Variants in CDK11B observed in about 807,000 individuals in gnomAD.
CDK11B encodes cyclin dependent kinase 11B, also known as cyclin-dependent kinase 11B.
Under a neutral mutation model 84.0 loss-of-function variants are expected in CDK11B, and 37 were observed. The ratio of observed to expected loss-of-function variants is 0.44; its 90% CI spans 0.34 to 0.58. The LOEUF is 0.58. Ranked by LOEUF, CDK11B falls within the 20% of genes least tolerant of loss-of-function variation. The pLI, the probability that CDK11B is intolerant of heterozygous loss-of-function variation, is 0.02. For synonymous variants in CDK11B, 269 were observed against 309.8 expected, an observed-to-expected ratio of 0.87 and a Z score of 1.38; for missense variants, 427 against 834.0, an observed-to-expected ratio of 0.51 and a Z score of 6.01.
chr1:1,655,572 G>A, intron 2 of CDK11B, 88 bp from the exon 3 acceptor site: 1 of 1,452,846 alleles, frequency 6.9e-7, no homozygotes, highest in Non-Finnish European at 9.2e-7. Context: ...ATCAAACCTG[G>A]GCAACATCCC....
chr1:1,650,076 C>T (rs1429845321), intron 4 of CDK11B, among the ~76,000 whole-genome samples: 57 of 151,076 alleles, frequency 3.8e-4, no homozygotes, highest in Non-Finnish European at 5.5e-4. Flanking sequence ...CGGGACCATC[C>T]TGGCTAACAC....
At position 1,637,846 on chromosome 1, in the gene CDK11B, C is replaced by CT; in HGVS notation, c.1379dup (p.Glu461GlyfsTer28). 6.2e-7 allele frequency: 1 copy of CT among 1,613,712 alleles called. No individual in the cohort carries two copies. The stretch of plus-strand genomic sequence containing the variant: ...ACGTGATCGGGAAGCCCTCCTTCTC[C>CT]TTCTCCATCTTCAGCCGCTTTAGAG... On this transcript the variant is annotated frameshift_variant, in exon 13 of 20. Coordinates refer to ENST00000341832, the MANE Select transcript of CDK11B (RefSeq NM_033486.3). LOFTEE classifies it high-confidence loss of function.
chr1:1,643,506 G>A (rs1345877430), intron 6 of CDK11B, among the ~76,000 whole-genome samples: 1 of 149,938 alleles, frequency 6.7e-6, no homozygotes, highest in African/African-American at 2.5e-5. Flanking sequence ...AACAGACACG[G>A]TTCCTGAAAA....
intron 4 of CDK11B, among the ~76,000 whole-genome samples, chr1:1,650,483 A>G (rs1400529800): frequency 0.022 from 3,185 of 146,648 alleles, 70 homozygotes; most frequent in East Asian, 0.042. Context: ...CTCCTGCCTC[A>G]GCCTCCCGAG....
chr1:1,656,614 C>T (rs1361667556), intron 2 of CDK11B, among the ~76,000 whole-genome samples: 3 of 152,044 alleles, frequency 2.0e-5, no homozygotes, highest in Non-Finnish European at 4.4e-5. Context: ...ACCGTGAGAC[C>T]CCATCTCTAC....
intron 13 of CDK11B, 102 bp from the exon 14 acceptor site, chr1:1,637,615 C>T: frequency 6.2e-7 from 1 of 1,608,574 alleles, no homozygotes; most frequent in Non-Finnish European, 8.5e-7. Flanking sequence ...CCGGTGCCAC[C>T]CGGGAGGCAA....
chr1:1,641,644 G>C lies in CDK11B; in HGVS notation c.1009+18C>G. ...TAGTGAAGTCACAACACCTCACATA[G>C]TCGTCGCGGTGCCTCACCGGCAGAC... On this transcript the variant is annotated intron_variant, in intron 9 of 19. Transcript: ENST00000341832. The C allele has an allele frequency of 7.3e-7, 1 of 1,379,062 alleles. No individual in the cohort carries two copies. The highest frequency in any genetic ancestry group is 9.6e-7 in the Non-Finnish European group (1 of 1,039,186). The allele number at this position is 1,379,062 out of a possible 1,614,324, so 85.4% of individuals were successfully genotyped here.
intron 4 of CDK11B, 60 bp downstream of exon 4, chr1:1,652,379 T>G: frequency 7.3e-7 from 1 of 1,365,446 alleles, no homozygotes; most frequent in South Asian, 1.7e-5. Flanking sequence ...GGCAGAAGAG[T>G]AGGAACAGGA....
At chr1:1,648,540 C>G (rs1176853012) in intron 5 of CDK11B, among the ~76,000 whole-genome samples, 2 of 149,110 alleles carry the variant, frequency 1.3e-5, no homozygotes, top group Non-Finnish European at 2.9e-5. Flanking sequence ...TCAGACTCCT[C>G]TCTTCCTGGA....
At chr1:1,654,046 C>T (rs1429254436) in intron 3 of CDK11B, 1 of 426,400 alleles carries the variant, frequency 2.3e-6, no homozygotes, top group African/African-American at 2.1e-5. Flanking sequence ...TCTTCATAAT[C>T]TCAAAGCGTC....
rs1160234996 is a variant in CDK11B, at chr1:1,637,076, C to T, written c.1692+5G>A. On this transcript the variant is annotated splice_donor_5th_base_variant and intron_variant, in intron 15 of 19. Transcript: ENST00000341832. ...CTGGGATGGGCCACTCGGAGGGGGGCTCACCTTGAGGATGCCGGCGTGGCT... is the reference window on the plus strand; with the variant it reads ...CTGGGATGGGCCACTCGGAGGGGGGTTCACCTTGAGGATGCCGGCGTGGCT... The T allele has an allele frequency of 1.2e-6, 2 of 1,613,442 alleles. No individual in the cohort carries two copies. Among genetic ancestry groups the T allele is most frequent in the East Asian group, 4.5e-5 (2 of 44,890 alleles).
intron 1 of CDK11B, among the ~76,000 whole-genome samples, chr1:1,657,925 A>G (rs1338362131): frequency 7.1e-6 from 1 of 140,548 alleles, no homozygotes; most frequent in Non-Finnish European, 1.5e-5. Flanking sequence ...AAAAAAAAAA[A>G]AGTAAGCTCT....
In CDK11B at chr1:1,649,602, GCT is replaced by G; in HGVS notation, c.389_390del (p.Glu130AlafsTer13). ...KHARVKEKER[E>X]HERRKRHREE... ...TCTCGATGCCGTTTCCGACGTTCGT[GCT>G]CTCTTTCTTTTTCTTTCACTCTAGC... On this transcript the variant is annotated frameshift_variant, in exon 5 of 20. Transcript: ENST00000341832. LOFTEE classifies it high-confidence loss of function. The G allele has an allele frequency of 1.9e-6, 3 of 1,608,528 alleles. No homozygotes were observed. The highest frequency in any genetic ancestry group is 1.7e-4 in the Middle Eastern group (1 of 6,054).
intron 3 of CDK11B, among the ~76,000 whole-genome samples, chr1:1,654,739 A>C (rs543242479): frequency 6.6e-6 from 1 of 151,136 alleles, no homozygotes; most frequent in South Asian, 2.1e-4. Flanking sequence ...TCTCACTGCA[A>C]GCTCCACCTC....
Position 1,637,140 on chromosome 1 carries a change from T to C in CDK11B, c.1633A>G (p.Ile545Val). The change falls in exon 15 of 20, where the codon ATC becomes GTC. Residue 545 changes from isoleucine to valine, a missense_variant. Physicochemically the swap from Ile to Val is conservative, Grantham distance 29. This residue lies in a region of CDK11B where 13 missense variants were observed against 42.2 expected (regional missense o/e 0.31). Coordinates refer to ENST00000341832, the MANE Select transcript of CDK11B (RefSeq NM_033486.3). ...GACGTCTTGAGGTCACGGTGCAGGATCCAGTTGTCGTGCAGGTGTTTCACC... is the reference window on the plus strand; with the variant it reads ...GACGTCTTGAGGTCACGGTGCAGGACCCAGTTGTCGTGCAGGTGTTTCACC... ...RGVKHLHDNW[I>V]LHRDLKTSNL... is the part of the protein sequence containing the mutation. The C allele has an allele frequency of 6.2e-7, 1 of 1,613,622 alleles. No homozygotes were observed. Among genetic ancestry groups the C allele is most frequent in the Non-Finnish European group, 8.5e-7 (1 of 1,179,846 alleles).
At chr1:1,640,812 C>G (rs1449716931) in intron 10 of CDK11B, among the ~76,000 whole-genome samples, 1 of 152,152 alleles carries the variant, frequency 6.6e-6, no homozygotes, top group Non-Finnish European at 1.5e-5. Flanking sequence ...CTGTGGGGAA[C>G]TGGTCCTGGG....
intron 5 of CDK11B, among the ~76,000 whole-genome samples, chr1:1,647,489 C>T (rs1398710795): frequency 1.3e-5 from 2 of 152,268 alleles, no homozygotes; most frequent in Non-Finnish European, 1.5e-5. Flanking sequence ...CATGGCTGCA[C>T]AGCTTAGCAA....
chr1:1,648,535 C>A (rs1641468229), intron 5 of CDK11B, among the ~76,000 whole-genome samples: 1 of 148,566 alleles, frequency 6.7e-6, no homozygotes, highest in Admixed American at 6.6e-5. Flanking sequence ...CCGCTTCAGA[C>A]TCCTCTCTTC....
chr1:1,653,930 A>T (rs1187015532), intron 3 of CDK11B, among the ~76,000 whole-genome samples: 3 of 151,844 alleles, frequency 2.0e-5, no homozygotes, highest in African/African-American at 7.3e-5. Flanking sequence ...ACTCACTTGA[A>T]CCCGGGAGCT....
Sources: allele counts gnomAD v4.1 joint callset (sites outside exome capture counted in the v4.1 genomes callset), GRCh38; gene constraint gnomAD v4.1.1; regional missense constraint gnomAD v4.1.1; transcripts MANE v1.5; gene names NCBI Gene and HGNC (gene_info 2026-07-23, HGNC 2026-07-21).